The following TUSC3 variants were observed in gnomAD, a reference collection of about 807,000 sequenced individuals.
TUSC3 encodes the protein tumor suppressor candidate 3.
TUSC3 carries 45 observed loss-of-function variants against 44.8 expected under a neutral mutation model. The observed-to-expected ratio is 1.00, with a 90% CI of 0.79 to 1.29. The LOEUF is 1.29. Ranked by LOEUF, TUSC3 falls within the 50% of genes most tolerant of loss-of-function variation. The pLI, the probability that TUSC3 is intolerant of heterozygous loss-of-function variation, is 0.00. For missense variants in TUSC3, 519 were observed against 437.9 expected (o/e 1.19, Z -1.65); for synonymous variants, 212 against 152.9 (o/e 1.39, Z -2.85).
intron 9 of TUSC3, among the ~76,000 whole-genome samples, chr8:15,752,847 T>C (rs924510641): frequency 1.4e-4 from 22 of 152,012 alleles, no homozygotes; most frequent in Non-Finnish European, 4.4e-5. Context: ...ATTAGATAAA[T>C]GTTCAGCACC....
At chr8:15,769,125 T>G (rs889123656), downstream of TUSC3, among the ~76,000 whole-genome samples, 8 of 152,032 alleles carry the variant, frequency 5.3e-5, no homozygotes, top group African/African-American at 1.9e-4. Flanking sequence ...AAGACAATCT[T>G]AAGCAAAAAA....
intron 1 of TUSC3, among the ~76,000 whole-genome samples, chr8:15,604,510 T>C (rs1804434540): frequency 6.6e-6 from 1 of 151,750 alleles, no homozygotes; most frequent in Non-Finnish European, 1.5e-5. Flanking sequence ...AGAAAATATT[T>C]TCTTATAATT....
At chr8:15,545,581 G>A (rs1801836858) in intron 1 of TUSC3, among the ~76,000 whole-genome samples, 1 of 151,668 alleles carries the variant, frequency 6.6e-6, no homozygotes. Flanking sequence ...AACCCATGAG[G>A]AATTGTCTGT....
At chr8:15,671,377 A>G (rs1807940939) in intron 5 of TUSC3, among the ~76,000 whole-genome samples, 1 of 152,068 alleles carries the variant, frequency 6.6e-6, no homozygotes, top group African/African-American at 2.4e-5. Context: ...CAGATTGCTG[A>G]AAGTAATGAA....
At chr8:15,813,918 AC>A in the TUSC3 span, among the ~76,000 whole-genome samples, 1 of 152,264 alleles carries the variant, frequency 6.6e-6, no homozygotes, top group African/African-American at 2.4e-5. Flanking sequence ...CTCCACCGTT[AC>A]TAAGTTTGCG....
chr8:15,494,466 TG>T (rs1242347297), intron 2 of TUSC3, among the ~76,000 whole-genome samples: 2 of 151,994 alleles, frequency 1.3e-5, no homozygotes, highest in Non-Finnish European at 2.9e-5. Context: ...TACAGGCGCA[TG>T]CCACCATGCC....
intron 1 of TUSC3, among the ~76,000 whole-genome samples, chr8:15,434,678 C>G (rs1585787376): frequency 1.3e-5 from 2 of 151,986 alleles, no homozygotes; most frequent in East Asian, 2.0e-4. Context: ...CTATCCCTCC[C>G]CCACGACTTC....
chr8:15,759,031 C>G (rs770780465), intron 10 of TUSC3, among the ~76,000 whole-genome samples: 1 of 152,132 alleles, frequency 6.6e-6, no homozygotes, highest in Non-Finnish European at 1.5e-5. Flanking sequence ...AGAATTCTAG[C>G]TAAGGGCCAC....
intron 6 of TUSC3, among the ~76,000 whole-genome samples, chr8:15,698,964 A>C (rs1406049411): frequency 6.6e-6 from 1 of 151,758 alleles, no homozygotes; most frequent in Admixed American, 6.6e-5. Flanking sequence ...CTCCCACCTC[A>C]GCCTCCTTAG....
At chr8:15,757,435 T>C (rs1463327161) in intron 9 of TUSC3, among the ~76,000 whole-genome samples, 1 of 152,154 alleles carries the variant, frequency 6.6e-6, no homozygotes, top group Non-Finnish European at 1.5e-5. Flanking sequence ...ATGTAGAGGG[T>C]ATAGCAATTT....
At chr8:15,581,835 G>A (rs1441465382) in intron 1 of TUSC3, among the ~76,000 whole-genome samples, 1 of 123,468 alleles carries the variant, frequency 8.1e-6, no homozygotes, top group South Asian at 2.6e-4. Context: ...TTGAGCTGTG[G>A]TGGGCTCCAC....
At chr8:15,602,051 T>G (rs1585142288) in intron 1 of TUSC3, among the ~76,000 whole-genome samples, 1 of 151,548 alleles carries the variant, frequency 6.6e-6, no homozygotes, top group Non-Finnish European at 1.5e-5. Flanking sequence ...CCCAAAACTT[T>G]GTGAGCACTG....
At position 15,468,929 on chromosome 8, in the gene TUSC3, C is replaced by T. The variant is rs954972806; in HGVS notation, n.92-14457C>T. On this transcript the variant is annotated intron_variant and non_coding_transcript_variant, in intron 1 of 5. Transcript: ENST00000503191. The stretch of plus-strand genomic sequence containing the variant: ...GTGCAGACAGATTAAAAAAAAAAAC[C>T]CAGGTGCTGACTTAAAAATAATGAG... Among the ~76,000 whole-genome samples the T allele has an allele frequency of 2.7e-5, 4 of 149,560 alleles. No homozygotes were observed. The East Asian group carries it at 5.9e-4, about 22-fold the overall frequency.
intron 2 of TUSC3, among the ~76,000 whole-genome samples, chr8:15,507,232 G>C (rs1393741636): frequency 1.3e-5 from 2 of 152,124 alleles, no homozygotes; most frequent in African/African-American, 4.8e-5. Flanking sequence ...CATTGTTCCT[G>C]TATTTTACAT....
At chr8:15,829,310 G>T in the TUSC3 span, among the ~76,000 whole-genome samples, 1 of 152,138 alleles carries the variant, frequency 6.6e-6, no homozygotes, top group East Asian at 1.9e-4. Context: ...AAGTGAAAGT[G>T]CCAGACTGCG....
At chr8:15,567,184 C>G (rs980079289) in intron 1 of TUSC3, among the ~76,000 whole-genome samples, 1 of 152,094 alleles carries the variant, frequency 6.6e-6, no homozygotes, top group Non-Finnish European at 1.5e-5. Context: ...TTTATCATTC[C>G]TTTTAATGAA....
rs1399634124 is a variant in TUSC3, at chr8:15,470,472, T to A, written n.92-12914T>A. On this transcript the variant is annotated intron_variant and non_coding_transcript_variant, in intron 1 of 5. Coordinates refer to the TUSC3 transcript ENST00000503191. ...TTTGGTTGATAATGACATGTCAATG[T>A]AGGCTCATGGATTATAACATATGTA... Among the ~76,000 whole-genome samples the A allele has an allele frequency of 3.3e-5, 5 of 152,278 alleles. No homozygotes were observed. In the South Asian group the frequency reaches 6.2e-4, roughly 19 times the overall value.
intron 6 of TUSC3, among the ~76,000 whole-genome samples, chr8:15,703,523 C>G (rs192755666): frequency 1.3e-5 from 2 of 152,018 alleles, no homozygotes; most frequent in African/African-American, 4.8e-5. Flanking sequence ...TAAAGGAATA[C>G]CTGAGACTAG....
At chr8:15,747,065 C>G (rs1811448016) in intron 8 of TUSC3, among the ~76,000 whole-genome samples, 1 of 151,966 alleles carries the variant, frequency 6.6e-6, no homozygotes, top group Non-Finnish European at 1.5e-5. Context: ...TGTTGTTTCA[C>G]AATTCATATT....
Sources: allele counts gnomAD v4.1 joint callset (sites outside exome capture counted in the v4.1 genomes callset), GRCh38; gene constraint gnomAD v4.1.1; transcripts MANE v1.5; gene names NCBI Gene and HGNC (gene_info 2026-07-23, HGNC 2026-07-21).